The following ANKS1B variants were observed in gnomAD, a reference collection of about 807,000 sequenced individuals.
The protein encoded by ANKS1B is ankyrin repeat and sterile alpha motif domain containing 1B.
In ANKS1B, 36 loss-of-function variants were observed where a neutral mutation model predicts 148.3. That is an observed-to-expected ratio of 0.24 (90% confidence interval 0.19 to 0.32). The LOEUF is 0.32. Ranked by LOEUF, ANKS1B falls within the 10% of genes least tolerant of loss-of-function variation. The probability of loss-of-function intolerance (pLI) is 1.00; values close to 1 mark genes in which losing one functional copy is unlikely to be tolerated. For missense variants in ANKS1B, 1,157 were observed against 1,542.6 expected, an observed-to-expected ratio of 0.75 and a Z score of 4.19; for synonymous variants, 542 against 560.8, an observed-to-expected ratio of 0.97 and a Z score of 0.47.
chr12:99,899,113 C>T (rs1350802145), intron 1 of ANKS1B, among the ~76,000 whole-genome samples: 1 of 152,118 alleles, frequency 6.6e-6, no homozygotes, highest in Non-Finnish European at 1.5e-5. Context: ...CCACTAAATT[C>T]TTTGTGTGCC....
At chr12:99,125,932 C>T (rs997321386) in intron 15 of ANKS1B, among the ~76,000 whole-genome samples, 2 of 151,788 alleles carry the variant, frequency 1.3e-5, no homozygotes, top group East Asian at 1.9e-4. Context: ...TATAGGATGT[C>T]ACAAACGCTC....
In ANKS1B at chr12:98,886,100, T is replaced by A. The variant is rs182096980; in HGVS notation, c.2779-53964A>T. Among the ~76,000 whole-genome samples the A allele has an allele frequency of 4.6e-3, 700 of 152,190 alleles. 2 individuals are homozygous for A. Among genetic ancestry groups the A allele is most frequent in the African/African-American group, 0.016 (675 of 41,522 alleles). The stretch of plus-strand genomic sequence containing the variant: ...TATAAAATGAAAGTATCACAGCATA[T>A]AGGAACTAAATCTAGAATTTTATTC... On this transcript the variant is annotated intron_variant, in intron 17 of 26. Transcript: ENST00000683438.
intron 10 of ANKS1B, among the ~76,000 whole-genome samples, chr12:99,464,313 A>C (rs1187921752): frequency 1.3e-5 from 2 of 152,212 alleles, no homozygotes; most frequent in African/African-American, 2.4e-5. Context: ...ATCAAAAACC[A>C]AAAGTAGATA....
intron 14 of ANKS1B, among the ~76,000 whole-genome samples, chr12:99,228,623 A>C (rs1230349807): frequency 6.6e-6 from 1 of 152,088 alleles, no homozygotes; most frequent in Non-Finnish European, 1.5e-5. Flanking sequence ...AAAATTATTA[A>C]TACATAAAAA....
intron 8 of ANKS1B, among the ~76,000 whole-genome samples, chr12:99,670,897 G>C (rs992238917): frequency 6.6e-5 from 10 of 151,876 alleles, no homozygotes; most frequent in African/African-American, 2.4e-4. Flanking sequence ...GTGGGGAGAT[G>C]GTACATGAAA....
chr12:99,067,214 C>T lies in ANKS1B; in HGVS notation c.2626-13905G>A, dbSNP rs549592550. ...ACTTTGTCAGCAAGAAGAGATGGTG[C>T]CATATTGCAGATATTGGTGCCCTCA... On this transcript the variant is annotated intron_variant, in intron 16 of 26. Coordinates refer to ENST00000683438, the MANE Select transcript of ANKS1B (RefSeq NM_001352186.2). Among the ~76,000 whole-genome samples the T allele has an allele frequency of 3.0e-4, 45 of 152,326 alleles. No individual in the cohort carries two copies. The East Asian group carries it at 8.3e-3, about 28-fold the overall frequency.
intron 4 of ANKS1B, among the ~76,000 whole-genome samples, chr12:99,798,443 A>AT (rs1555618304): frequency 6.6e-6 from 1 of 151,260 alleles, no homozygotes; most frequent in East Asian, 1.9e-4. Context: ...AAAAAAAAAA[A>AT]CAAAAGATAA....
chr12:99,591,549 G>T (rs1375652407), intron 9 of ANKS1B, among the ~76,000 whole-genome samples: 2 of 151,418 alleles, frequency 1.3e-5, no homozygotes, highest in Non-Finnish European at 2.9e-5. Context: ...AGCTTCTAGG[G>T]TAACTATTTT....
At chr12:99,853,459 A>G (rs1390443913) in intron 1 of ANKS1B, among the ~76,000 whole-genome samples, 1 of 152,164 alleles carries the variant, frequency 6.6e-6, no homozygotes, top group Non-Finnish European at 1.5e-5. Context: ...TAGCTCTGCT[A>G]GGAGACTAGA....
At chr12:99,257,119 C>G (rs1264852528) in intron 12 of ANKS1B, among the ~76,000 whole-genome samples, 1 of 152,046 alleles carries the variant, frequency 6.6e-6, no homozygotes, top group Non-Finnish European at 1.5e-5. Flanking sequence ...TGGCGGGCGC[C>G]TGTAGTCCCA....
chr12:99,745,997 A>G (rs1213622307), intron 8 of ANKS1B, among the ~76,000 whole-genome samples: 2 of 152,132 alleles, frequency 1.3e-5, no homozygotes, highest in South Asian at 2.1e-4. Flanking sequence ...TTGGAAAAAT[A>G]TGCTCTTAGA....
intron 11 of ANKS1B, among the ~76,000 whole-genome samples, chr12:99,413,725 ATCT>A (rs1405060477): frequency 6.6e-6 from 1 of 152,162 alleles, no homozygotes; most frequent in African/African-American, 2.4e-5. Context: ...ATGCATACTC[ATCT>A]TCTATTTAAA....
chr12:99,392,408 C>T (rs1448391333), intron 12 of ANKS1B, among the ~76,000 whole-genome samples: 1 of 152,248 alleles, frequency 6.6e-6, no homozygotes, highest in African/African-American at 2.4e-5. Context: ...TAAGCACTTA[C>T]AGGCTTTTGT....
chr12:99,059,011 ACAGGC>A (rs2041405696), intron 16 of ANKS1B, among the ~76,000 whole-genome samples: 1 of 18,060 alleles, frequency 5.5e-5, no homozygotes, highest in Admixed American at 9.5e-4. Context: ...TGCTGGGATT[ACAGGC>A]GTGAGCCACC....
chr12:98,925,871 G>A (rs1299906766), intron 17 of ANKS1B, among the ~76,000 whole-genome samples: 2 of 152,142 alleles, frequency 1.3e-5, no homozygotes, highest in Admixed American at 6.5e-5. Flanking sequence ...GGTGGGAATA[G>A]CCCTGACCCC....
intron 9 of ANKS1B, among the ~76,000 whole-genome samples, chr12:99,511,147 T>C (rs564508592): frequency 4.6e-5 from 7 of 152,028 alleles, no homozygotes; most frequent in Non-Finnish European, 8.8e-5. Flanking sequence ...CAGTATGATG[T>C]TGGCTGTGGG....
chr12:99,660,352 T>A (rs1295097572), intron 8 of ANKS1B, among the ~76,000 whole-genome samples: 1 of 134,274 alleles, frequency 7.4e-6, no homozygotes, highest in Non-Finnish European at 1.6e-5. Context: ...TTTATCTTTC[T>A]TTTTCTTTTT....
intron 17 of ANKS1B, among the ~76,000 whole-genome samples, chr12:98,885,348 C>G (rs149859): frequency 0.5 from 75,541 of 152,084 alleles, 18,993 homozygotes; most frequent in African/African-American, 0.59. Context: ...ACACAGTGTT[C>G]CTTGGTTCTT....
intron 17 of ANKS1B, among the ~76,000 whole-genome samples, chr12:98,866,911 T>C (rs1013972856): frequency 6.6e-6 from 1 of 152,204 alleles, no homozygotes; most frequent in African/African-American, 2.4e-5. Flanking sequence ...GTTTTGAATA[T>C]GGGCAAGGAT....
Sources: gnomAD v4.1 joint callset for allele counts (sites outside exome capture counted in the v4.1 genomes callset) on GRCh38, gnomAD v4.1.1 for gene constraint, MANE v1.5 for transcripts, NCBI Gene and HGNC (gene_info 2026-07-23, HGNC 2026-07-21) for gene names.